The following GRIA4 variants were observed in gnomAD, a reference collection of about 807,000 sequenced individuals.
GRIA4 encodes the protein glutamate ionotropic receptor AMPA type subunit 4, also known as glutamate receptor 4.
Under a neutral mutation model 104.0 loss-of-function variants are expected in GRIA4, and 34 were observed. The ratio of observed to expected loss-of-function variants is 0.33; its 90% confidence interval spans 0.25 to 0.44. The LOEUF (loss-of-function observed/expected upper bound fraction) is 0.44. GRIA4 is among the 20% of genes least tolerant of loss of function. GRIA4 has a pLI of 1.00. For missense variants in GRIA4, 750 were observed against 1,096.5 expected, an observed-to-expected ratio of 0.68 and a Z score of 4.46; for synonymous variants, 386 against 381.9, an observed-to-expected ratio of 1.01 and a Z score of -0.13.
intron 12 of GRIA4, among the ~76,000 whole-genome samples, chr11:105,925,913 T>C (rs1258010760): frequency 6.6e-6 from 1 of 152,090 alleles, no homozygotes; most frequent in African/African-American, 2.4e-5. Context: ...TTACAATAAG[T>C]GAGTTCAATG....
intron 4 of GRIA4, among the ~76,000 whole-genome samples, chr11:105,803,788 A>C (rs1173173778): frequency 6.6e-6 from 1 of 150,546 alleles, no homozygotes. Context: ...TCTCAAAGTA[A>C]GCTTCTGATA....
At chr11:105,804,920 A>G (rs1246754831) in intron 4 of GRIA4, among the ~76,000 whole-genome samples, 1 of 151,944 alleles carries the variant, frequency 6.6e-6, no homozygotes, top group Non-Finnish European at 1.5e-5. Flanking sequence ...AATGACTGCC[A>G]AGAATAAAAG....
chr11:105,630,501 T>A (rs1339732791), intron 3 of GRIA4, among the ~76,000 whole-genome samples: 2 of 152,056 alleles, frequency 1.3e-5, no homozygotes, highest in African/African-American at 4.8e-5. Context: ...GAGGCCAAGG[T>A]TGCAGTGAGC....
At chr11:105,938,782 T>C (rs1948114958) in intron 14 of GRIA4, among the ~76,000 whole-genome samples, 1 of 152,152 alleles carries the variant, frequency 6.6e-6, no homozygotes, top group African/African-American at 2.4e-5. Flanking sequence ...TGGTGTTTAT[T>C]GTGTGTACCA....
In GRIA4 at chr11:105,759,483, A is replaced by G. The variant is rs148222276; in HGVS notation, c.487+6263A>G. On this transcript the variant is annotated intron_variant, in intron 4 of 16. Transcript: ENST00000282499. ...TGTAAACTTCTTCAATACAAACTAC[A>G]TATGTCACATTCTTAATTAGAATGA... 1.4e-4 allele frequency among the ~76,000 whole-genome samples: 21 copies of G among 152,246 alleles called. No homozygotes were observed. The East Asian group carries it at 3.3e-3, about 24-fold the overall frequency.
intron 3 of GRIA4, among the ~76,000 whole-genome samples, chr11:105,644,085 A>G (rs1951451385): frequency 2.6e-5 from 4 of 152,300 alleles, no homozygotes; most frequent in African/African-American, 2.4e-5. Flanking sequence ...ATGAGAAAAA[A>G]CCAGCATAGA....
At chr11:105,782,835 A>G (rs529989555) in intron 4 of GRIA4, among the ~76,000 whole-genome samples, 1 of 152,334 alleles carries the variant, frequency 6.6e-6, no homozygotes, top group South Asian at 2.1e-4. Flanking sequence ...TTTGGGCTCA[A>G]ATAGACCTGG....
At chr11:105,621,392 T>C (rs975728748) in intron 3 of GRIA4, among the ~76,000 whole-genome samples, 3 of 151,602 alleles carry the variant, frequency 2.0e-5, no homozygotes, top group African/African-American at 7.2e-5. Flanking sequence ...CTTTTTTTTT[T>C]TCTGTATAGA....
intron 3 of GRIA4, among the ~76,000 whole-genome samples, chr11:105,627,960 A>G (rs114069061): frequency 0.01 from 1,581 of 152,296 alleles, 24 homozygotes; most frequent in African/African-American, 0.037. Context: ...AATCTGTACT[A>G]CAACCGTGAC....
At chr11:105,898,522 CA>C in intron 7 of GRIA4, 95 bp downstream of exon 7, 2 of 736,498 alleles carry the variant, frequency 2.7e-6, no homozygotes, top group Non-Finnish European at 4.6e-6. Context: ...TTTTGCCAAA[CA>C]TAGTATGGCA....
At chr11:105,853,932 C>G (rs1180941547) in intron 4 of GRIA4, among the ~76,000 whole-genome samples, 1 of 152,176 alleles carries the variant, frequency 6.6e-6, no homozygotes, top group Admixed American at 6.5e-5. Context: ...ATTATAAAAG[C>G]AGTTTTATAA....
intron 16 of GRIA4, among the ~76,000 whole-genome samples, chr11:105,978,502 T>C (rs1259845201): frequency 6.6e-6 from 1 of 152,146 alleles, no homozygotes; most frequent in African/African-American, 2.4e-5. Flanking sequence ...GAGTAACTGA[T>C]CTGTAAACAT....
intron 3 of GRIA4, among the ~76,000 whole-genome samples, chr11:105,648,470 T>C (rs918375652): frequency 1.3e-5 from 2 of 151,524 alleles, no homozygotes; most frequent in South Asian, 2.1e-4. Context: ...AATAATGCTT[T>C]ATACGCTAAA....
chr11:105,908,662 T>C (rs1565334539), intron 9 of GRIA4, among the ~76,000 whole-genome samples: 2 of 152,050 alleles, frequency 1.3e-5, no homozygotes, highest in South Asian at 4.1e-4. Context: ...CCAGCACTTC[T>C]GAATCATTTA....
chr11:105,785,973 C>T (rs989199280), intron 4 of GRIA4, among the ~76,000 whole-genome samples: 5 of 151,504 alleles, frequency 3.3e-5, no homozygotes, highest in African/African-American at 7.3e-5. Flanking sequence ...AGTGAAACCC[C>T]GTCTCTACCA....
At chr11:105,743,240 T>C (rs542801519) in intron 3 of GRIA4, among the ~76,000 whole-genome samples, 2 of 152,320 alleles carry the variant, frequency 1.3e-5, no homozygotes, top group South Asian at 2.1e-4. Context: ...GGAGGTCATC[T>C]AGATGATTCA....
At chr11:105,905,393 T>C in intron 9 of GRIA4, 92 bp downstream of exon 9, 1 of 694,080 alleles carries the variant, frequency 1.4e-6, no homozygotes, top group Admixed American at 2.5e-5. Flanking sequence ...TGGCTGAACA[T>C]TTCCTTTTTT....
intron 4 of GRIA4, among the ~76,000 whole-genome samples, chr11:105,815,613 G>C (rs1943345286): frequency 1.3e-5 from 2 of 151,920 alleles, no homozygotes; most frequent in Admixed American, 6.6e-5. Context: ...CGAAAGCTGA[G>C]TGCAAAACTT....
intron 4 of GRIA4, among the ~76,000 whole-genome samples, chr11:105,780,871 C>G (rs1445518648): frequency 6.6e-6 from 1 of 152,138 alleles, no homozygotes; most frequent in Non-Finnish European, 1.5e-5. Context: ...TCATCTTATT[C>G]CTACAGGTTT....
Sources: gnomAD v4.1 joint callset for allele counts (sites outside exome capture counted in the v4.1 genomes callset) on GRCh38, gnomAD v4.1.1 for gene constraint, MANE v1.5 for transcripts, NCBI Gene and HGNC (gene_info 2026-07-23, HGNC 2026-07-21) for gene names.